Variants in SEMA6D observed in about 807,000 individuals in gnomAD.
SEMA6D encodes semaphorin 6D.
In SEMA6D, 35 loss-of-function variants were observed where a neutral mutation model predicts 106.6. The observed-to-expected ratio is 0.33, with a 90% CI of 0.25 to 0.44. The LOEUF (loss-of-function observed/expected upper bound fraction) is 0.44, where lower values mean the gene tolerates loss of function less well. Ranked by LOEUF, SEMA6D falls within the 20% of genes least tolerant of loss-of-function variation. SEMA6D has a pLI of 1.00. For missense variants in SEMA6D, 1,185 were observed against 1,345.9 expected (o/e 0.88, Z 1.87); for synonymous variants, 499 against 487.7 (o/e 1.02, Z -0.31).
intron 4 of SEMA6D, among the ~76,000 whole-genome samples, chr15:47,704,718 C>T (rs1238081773): frequency 6.7e-6 from 1 of 149,426 alleles, no homozygotes; most frequent in Non-Finnish European, 1.5e-5. Flanking sequence ...GACCCTGTCT[C>T]AAAAAAAAAA....
chr15:47,328,498 C>T (rs1040302505), intron 1 of SEMA6D, among the ~76,000 whole-genome samples: 1 of 152,194 alleles, frequency 6.6e-6, no homozygotes, highest in Non-Finnish European at 1.5e-5. Context: ...CATAAAGGTG[C>T]AATTCCAAAT....
chr15:47,765,051 T>C lies in SEMA6D; in HGVS notation c.1422T>C (p.His474=), dbSNP rs147987261. The change falls in exon 13 of 19, where the codon CAT becomes CAC. Residue 474 remains histidine, a synonymous_variant. Coordinates refer to ENST00000536845, the MANE Select transcript of SEMA6D (RefSeq NM_001358351.3). ...VLLEEIEAYN[H]AKCSAENEED... The stretch of plus-strand genomic sequence containing the variant: ...TGGAAGAGATTGAAGCCTACAACCA[T>C]GCAAAGTAGGTATATGTTACGAGAA... 1 of 1,613,700 alleles carries C rather than the reference T, an allele frequency of 6.2e-7. No homozygotes were observed. The highest frequency in any genetic ancestry group is 2.2e-5 in the East Asian group (1 of 44,820).
chr15:47,682,408 C>A (rs966024764), intron 4 of SEMA6D, among the ~76,000 whole-genome samples: 2 of 152,036 alleles, frequency 1.3e-5, no homozygotes, highest in African/African-American at 4.8e-5. Context: ...ACCTCATGAT[C>A]CGCCCCCCTC....
intron 1 of SEMA6D, among the ~76,000 whole-genome samples, chr15:47,281,941 T>C (rs955054965): frequency 3.3e-5 from 5 of 152,316 alleles, no homozygotes; most frequent in South Asian, 2.1e-4. Context: ...ACCCTAATTA[T>C]AGAACTAGCA....
intron 3 of SEMA6D, among the ~76,000 whole-genome samples, chr15:47,591,266 C>T (rs1160842799): frequency 2.0e-5 from 3 of 152,182 alleles, no homozygotes; most frequent in African/African-American, 4.8e-5. Flanking sequence ...CTCTCATAAC[C>T]TACACACCTC....
intron 1 of SEMA6D, among the ~76,000 whole-genome samples, chr15:47,196,000 T>A (rs1894320538): frequency 6.8e-6 from 1 of 147,842 alleles, no homozygotes; most frequent in African/African-American, 2.5e-5. Context: ...CCACAGCAAG[T>A]TATCAATGAA....
intron 3 of SEMA6D, among the ~76,000 whole-genome samples, chr15:47,530,482 C>T (rs72733854): frequency 2.0e-5 from 3 of 152,028 alleles, no homozygotes; most frequent in Non-Finnish European, 4.4e-5. Context: ...AAAATATATA[C>T]GTAAACTCAA....
At chr15:47,761,113 A>T in intron 4 of SEMA6D, 45 bp from the exon 5 acceptor site, 1 of 1,612,214 alleles carries the variant, frequency 6.2e-7, no homozygotes, top group Non-Finnish European at 8.5e-7. Flanking sequence ...CTCCCCAAAA[A>T]TGTTCGCAGT....
At chr15:47,379,140 G>C (rs567834618) in intron 1 of SEMA6D, among the ~76,000 whole-genome samples, 10 of 152,256 alleles carry the variant, frequency 6.6e-5, no homozygotes, top group African/African-American at 2.4e-4. Context: ...TGGTTAAGAC[G>C]TCTTTTATAT....
chr15:47,629,842 C>T (rs920922358), intron 4 of SEMA6D, among the ~76,000 whole-genome samples: 1 of 151,828 alleles, frequency 6.6e-6, no homozygotes, highest in Non-Finnish European at 1.5e-5. Flanking sequence ...AATATAGTGA[C>T]CACCAATGCT....
At chr15:47,192,754 C>A (rs1894052579) in intron 1 of SEMA6D, among the ~76,000 whole-genome samples, 1 of 152,132 alleles carries the variant, frequency 6.6e-6, no homozygotes, top group African/African-American at 2.4e-5. Context: ...GGAAATTGTT[C>A]TGTGTAGCAA....
intron 6 of SEMA6D, 38 bp downstream of exon 6, chr15:47,761,469 C>CT (rs2082058283): frequency 6.6e-7 from 1 of 1,509,730 alleles, no homozygotes; most frequent in Non-Finnish European, 9.1e-7. Flanking sequence ...TTTTGATCAA[C>CT]TTTTCTCCCT....
Position 47,764,699 on chromosome 15 carries a change from G to T in SEMA6D, c.1159G>T (p.Asp387Tyr), listed in dbSNP as rs752751517. ...EAYKTSIDFP[D>Y]ETLSFIKSHP... Reference sequence around the variant, plus strand: ...TTATAAAACCTCCATCGATTTCCCGGATGAAACTCTGTCATTCATCAAATC... The same window carrying T: ...TTATAAAACCTCCATCGATTTCCCGTATGAAACTCTGTCATTCATCAAATC... Residue 387 changes from aspartate to tyrosine, a missense_variant, in exon 12 of 19, where the codon GAT (aspartate) becomes TAT (tyrosine). Transcript: ENST00000536845. 1.2e-6 allele frequency: 2 copies of T among 1,614,030 alleles called. No homozygotes were observed. The highest frequency in any genetic ancestry group is 1.7e-6 in the Non-Finnish European group (2 of 1,179,910).
At chr15:47,297,085 C>T (rs1033900757) in intron 1 of SEMA6D, among the ~76,000 whole-genome samples, 2 of 152,060 alleles carry the variant, frequency 1.3e-5, no homozygotes, top group Non-Finnish European at 2.9e-5. Flanking sequence ...GCACACAAAC[C>T]GCAGCCAGAA....
intron 1 of SEMA6D, among the ~76,000 whole-genome samples, chr15:47,367,686 G>GCA (rs1186368983): frequency 2.4e-4 from 10 of 42,072 alleles, no homozygotes; most frequent in Admixed American, 4.5e-4. Flanking sequence ...ACACGCGCGC[G>GCA]CGCGCGCACA....
At chr15:47,527,479 C>T (rs2044801302) in intron 3 of SEMA6D, among the ~76,000 whole-genome samples, 1 of 148,098 alleles carries the variant, frequency 6.8e-6, no homozygotes, top group East Asian at 1.9e-4. Context: ...CAAAGATTTT[C>T]TGTGAAATTA....
At chr15:47,367,676 A>ACGCG (rs1466497199) in intron 1 of SEMA6D, among the ~76,000 whole-genome samples, 7 of 82,778 alleles carry the variant, frequency 8.5e-5, no homozygotes, top group East Asian at 2.6e-4. Flanking sequence ...ACGCACGCTC[A>ACGCG]CACGCGCGCG....
intron 3 of SEMA6D, among the ~76,000 whole-genome samples, chr15:47,506,880 A>G (rs117454989): frequency 6.6e-6 from 1 of 152,288 alleles, no homozygotes; most frequent in East Asian, 1.9e-4. Context: ...GACTGCAACA[A>G]CAATAGCTAC....
At chr15:47,519,986 T>G (rs750890116) in intron 3 of SEMA6D, among the ~76,000 whole-genome samples, 1 of 152,184 alleles carries the variant, frequency 6.6e-6, no homozygotes, top group African/African-American at 2.4e-5. Flanking sequence ...TGCTAATCTT[T>G]CCTCATGCAG....
Sources: gnomAD v4.1 joint callset for allele counts (sites outside exome capture counted in the v4.1 genomes callset) on GRCh38, gnomAD v4.1.1 for gene constraint, MANE v1.5 for transcripts, NCBI Gene and HGNC (gene_info 2026-07-23, HGNC 2026-07-21) for gene names.